The following ARFGEF3 variants were observed in gnomAD, a reference collection of about 807,000 sequenced individuals.
ARFGEF3 encodes the protein brefeldin A-inhibited guanine nucleotide-exchange protein 3.
Under a neutral mutation model 221.7 loss-of-function variants are expected in ARFGEF3, and 96 were observed. The observed-to-expected ratio is 0.43, with a 90% CI of 0.37 to 0.51. ARFGEF3 has a LOEUF of 0.51. Ranked by LOEUF, ARFGEF3 falls within the 20% of genes least tolerant of loss-of-function variation. The probability of loss-of-function intolerance (pLI) is 0.00; values close to 1 mark genes in which losing one functional copy is unlikely to be tolerated. For synonymous variants in ARFGEF3, 1,145 were observed against 1,126.8 expected (o/e 1.02, Z -0.32); for missense variants, 2,410 against 2,789.9 (o/e 0.86, Z 3.07).
intron 1 of ARFGEF3, among the ~76,000 whole-genome samples, chr6:138,169,509 G>A (rs1279169597): frequency 6.6e-6 from 1 of 152,202 alleles, no homozygotes; most frequent in Non-Finnish European, 1.5e-5. Context: ...CACTGTCACT[G>A]CCTTTCCTTG....
chr6:138,259,941 C>A (rs1185811940), intron 10 of ARFGEF3, among the ~76,000 whole-genome samples: 1 of 152,034 alleles, frequency 6.6e-6, no homozygotes, highest in East Asian at 1.9e-4. Flanking sequence ...GAATTTATTA[C>A]CAGTGAATAT....
intron 25 of ARFGEF3, 150 bp from the exon 26 acceptor site, chr6:138,313,645 C>T (rs79551332): frequency 0.042 from 28,666 of 680,156 alleles, 684 homozygotes; most frequent in South Asian, 0.047. Context: ...GTAAGCTACC[C>T]TTATAAATCC....
chr6:138,176,936 CATT>C (rs1776962075), intron 2 of ARFGEF3, among the ~76,000 whole-genome samples: 1 of 151,750 alleles, frequency 6.6e-6, no homozygotes, highest in East Asian at 1.9e-4. Flanking sequence ...TTGAAAATGT[CATT>C]CAATTTTCTT....
intron 9 of ARFGEF3, 62 bp from the exon 10 acceptor site, chr6:138,255,374 G>A (rs1490405625): frequency 4.7e-5 from 57 of 1,220,276 alleles, no homozygotes; most frequent in African/African-American, 7.5e-5. Flanking sequence ...CTGTTTACTC[G>A]CAGAGTAAAT....
intron 12 of ARFGEF3, among the ~76,000 whole-genome samples, chr6:138,268,662 A>T (rs1778940205): frequency 6.6e-6 from 1 of 152,194 alleles, no homozygotes; most frequent in South Asian, 2.1e-4. Flanking sequence ...GGATAGAACA[A>T]AGTGACGTCT....
intron 4 of ARFGEF3, among the ~76,000 whole-genome samples, chr6:138,226,766 AC>A (rs1367823626): frequency 6.6e-6 from 1 of 152,170 alleles, no homozygotes; most frequent in Non-Finnish European, 1.5e-5. Context: ...TAAATTTTCT[AC>A]CCCTAGTCTG....
At chr6:138,259,914 T>A (rs202231192) in intron 10 of ARFGEF3, among the ~76,000 whole-genome samples, 2 of 149,332 alleles carry the variant, frequency 1.3e-5, no homozygotes, top group African/African-American at 4.9e-5. Flanking sequence ...ATTCCATCTT[T>A]AAAAAAAAAA....
intron 2 of ARFGEF3, among the ~76,000 whole-genome samples, chr6:138,185,469 A>G (rs1055329065): frequency 6.6e-6 from 1 of 152,170 alleles, no homozygotes; most frequent in Non-Finnish European, 1.5e-5. Context: ...AGAAGGGAGG[A>G]TAGCCCCGGC....
rs746328890 is a variant in ARFGEF3 at position 138,334,423 on chromosome 6, T to TGAAGACATCTTTGA, written c.5579_5592dup (p.Glu1865LysfsTer118). ...CTTCCCAGCAGTGTTCATCTGAGGA[T>TGAAGACATCTTTGA]GAAGACATCTTTGAGGAAACCGCCC... On this transcript the variant is annotated frameshift_variant, in exon 33 of 34. Coordinates refer to ENST00000251691, the MANE Select transcript of ARFGEF3 (RefSeq NM_020340.5). LOFTEE classifies it high-confidence loss of function. This position sits in a 1 kb window ranked among gnomAD's most constrained non-coding sequence, Gnocchi z 5.1. The TGAAGACATCTTTGA allele has an allele frequency of 6.2e-7, 1 of 1,612,006 alleles. No homozygotes were observed. The highest frequency in any genetic ancestry group is 1.7e-5 in the Admixed American group (1 of 59,658).
chr6:138,276,900 A>G (rs923739964), intron 12 of ARFGEF3, among the ~76,000 whole-genome samples: 5 of 152,272 alleles, frequency 3.3e-5, no homozygotes, highest in Admixed American at 3.3e-4. Flanking sequence ...TCTTAGACTC[A>G]AGTGATCTGC....
chr6:138,188,702 A>G (rs1777238717), intron 2 of ARFGEF3, among the ~76,000 whole-genome samples: 1 of 152,238 alleles, frequency 6.6e-6, no homozygotes, highest in Admixed American at 6.5e-5. Flanking sequence ...CTTTAACACA[A>G]CATTTATCCT....
chr6:138,283,796 A>G (rs566808090), intron 14 of ARFGEF3, among the ~76,000 whole-genome samples: 4 of 152,230 alleles, frequency 2.6e-5, no homozygotes, highest in Non-Finnish European at 5.9e-5. Flanking sequence ...TCTGGCAAAT[A>G]TCATTAGGCC....
chr6:138,253,787 G>T, intron 8 of ARFGEF3, 93 bp from the exon 9 acceptor site: 3 of 963,864 alleles, frequency 3.1e-6, no homozygotes, highest in Non-Finnish European at 4.8e-6. Context: ...CTTTAGTAAC[G>T]CCTACCATTT....
intron 4 of ARFGEF3, among the ~76,000 whole-genome samples, chr6:138,223,136 G>T (rs1322671033): frequency 6.6e-6 from 1 of 152,112 alleles, no homozygotes; most frequent in Non-Finnish European, 1.5e-5. Flanking sequence ...ACTCCATTTG[G>T]CTGGGCATGT....
chr6:138,195,382 C>T (rs1299771855), intron 2 of ARFGEF3, among the ~76,000 whole-genome samples: 1 of 151,950 alleles, frequency 6.6e-6, no homozygotes, highest in African/African-American at 2.4e-5. Context: ...ATAATAAAAC[C>T]AAAATCATCC....
intron 22 of ARFGEF3, among the ~76,000 whole-genome samples, chr6:138,300,454 T>TA (rs201523307): frequency 9.2e-5 from 14 of 152,010 alleles, no homozygotes; most frequent in African/African-American, 3.4e-4. Context: ...AAAAGTTGGA[T>TA]AAAAAAAATT....
rs143176019 is a variant in ARFGEF3 at position 138,235,058 on chromosome 6, A to G, written c.421-3451A>G. Among the ~76,000 whole-genome samples, 1,421 of 152,312 alleles carry G rather than the reference A, an allele frequency of 9.3e-3. 7 individuals carry two copies. Among genetic ancestry groups the G allele is most frequent in the Non-Finnish European group, 0.014 (981 of 68,014 alleles). On this transcript the variant is annotated intron_variant, in intron 5 of 33. Coordinates refer to ENST00000251691, the MANE Select transcript of ARFGEF3 (RefSeq NM_020340.5). Reference sequence around the variant, plus strand: ...TAGCTACGTTCCACTGTGCTGCTTCATAATAAATACTTTAGTGATTTCTCC... The same window carrying G: ...TAGCTACGTTCCACTGTGCTGCTTCGTAATAAATACTTTAGTGATTTCTCC...
At chr6:138,165,722 A>T (rs1180112190) in intron 1 of ARFGEF3, among the ~76,000 whole-genome samples, 3 of 151,918 alleles carry the variant, frequency 2.0e-5, no homozygotes, top group African/African-American at 7.3e-5. Context: ...TGAGACACTC[A>T]TGAGAGACTG....
chr6:138,189,974 C>G (rs1325827608), intron 2 of ARFGEF3, among the ~76,000 whole-genome samples: 1 of 151,712 alleles, frequency 6.6e-6, no homozygotes, highest in Non-Finnish European at 1.5e-5. Context: ...GTCTCAGGTA[C>G]CTGGGAGACT....
Sources: allele counts gnomAD v4.1 joint callset (sites outside exome capture counted in the v4.1 genomes callset), GRCh38; gene constraint gnomAD v4.1.1; non-coding constraint Gnocchi (gnomAD v3.1); transcripts MANE v1.5; gene names NCBI Gene and HGNC (gene_info 2026-07-23, HGNC 2026-07-21).